The following IL1R1 variants were observed in gnomAD, a reference collection of about 807,000 sequenced individuals.
The protein encoded by IL1R1 is interleukin 1 receptor type 1.
In IL1R1, 22 loss-of-function variants were observed where a neutral mutation model predicts 50.2. The observed-to-expected ratio is 0.44, with a 90% CI of 0.31 to 0.63. IL1R1 has a LOEUF of 0.63. Ranked by LOEUF, IL1R1 falls within the 20% of genes least tolerant of loss-of-function variation. The probability of loss-of-function intolerance (pLI) is 0.07; values close to 1 mark genes in which losing one functional copy is unlikely to be tolerated. For synonymous variants in IL1R1, 251 were observed against 236.7 expected, an observed-to-expected ratio of 1.06 and a Z score of -0.55; for missense variants, 509 against 676.2, an observed-to-expected ratio of 0.75 and a Z score of 2.74.
In IL1R1 at chr2:102,174,606, C is replaced by T; in HGVS notation, c.1011C>T (p.His337=). ...LIYPVTNFQK[H]MIGICVTLTV... ...CTATAGTCACTAATTTCCAGAAGCA[C>T]ATGATTGGTATATGTGTCACGTTGA... The change falls in exon 10 of 12, where the codon CAC becomes CAT. Residue 337 remains histidine (H), a synonymous_variant. Coordinates refer to ENST00000410023, the MANE Select transcript of IL1R1 (RefSeq NM_000877.4). 4 of 1,580,288 alleles carry T rather than the reference C, an allele frequency of 2.5e-6. No homozygotes were observed. The highest frequency in any genetic ancestry group is 3.4e-6 in the Non-Finnish European group (4 of 1,167,330).
intron 1 of IL1R1, among the ~76,000 whole-genome samples, chr2:102,127,168 C>T (rs1429243667): frequency 6.6e-6 from 1 of 152,174 alleles, no homozygotes; most frequent in Non-Finnish European, 1.5e-5. Flanking sequence ...GGTCTCAATC[C>T]TTTGAAGTTC....
chr2:102,077,750 C>A (rs1173087557), intron 1 of IL1R1, among the ~76,000 whole-genome samples: 1 of 152,156 alleles, frequency 6.6e-6, no homozygotes, highest in East Asian at 1.9e-4. Flanking sequence ...ACACTCCACA[C>A]AAGAACAGTG....
intron 1 of IL1R1, among the ~76,000 whole-genome samples, chr2:102,087,225 T>TG (rs1218284825): frequency 5.3e-5 from 8 of 152,150 alleles, no homozygotes; most frequent in African/African-American, 1.9e-4. Flanking sequence ...TAGTGGGAGG[T>TG]CTACCCTTGA....
At chr2:102,156,421 G>T (rs974307222) in intron 2 of IL1R1, among the ~76,000 whole-genome samples, 2 of 152,126 alleles carry the variant, frequency 1.3e-5, no homozygotes, top group African/African-American at 2.4e-5. Flanking sequence ...AAAGTGAAGA[G>T]AATATGAATG....
At chr2:102,071,099 G>T (rs969405345) in intron 1 of IL1R1, among the ~76,000 whole-genome samples, 3 of 151,992 alleles carry the variant, frequency 2.0e-5, no homozygotes, top group Admixed American at 1.3e-4. Flanking sequence ...GTTATATCAT[G>T]ATTTTTAAAA....
chr2:102,071,377 A>G (rs867308788), intron 1 of IL1R1, among the ~76,000 whole-genome samples: 17 of 149,178 alleles, frequency 1.1e-4, no homozygotes, highest in Middle Eastern at 6.8e-3. Flanking sequence ...ATGGACATCT[A>G]TTTGTGGCAC....
chr2:102,123,174 G>A (rs542652180), intron 1 of IL1R1, among the ~76,000 whole-genome samples: 1 of 152,294 alleles, frequency 6.6e-6, no homozygotes, highest in South Asian at 2.1e-4. Context: ...TGATTCAAAG[G>A]ATAATGTAAT....
At chr2:102,083,069 G>A (rs1378915948) in intron 1 of IL1R1, among the ~76,000 whole-genome samples, 1 of 152,144 alleles carries the variant, frequency 6.6e-6, no homozygotes, top group Admixed American at 6.5e-5. Flanking sequence ...TGTAGGGCTG[G>A]CACGTGACTT....
chr2:102,175,206 G>A (rs1559510326), intron 10 of IL1R1, among the ~76,000 whole-genome samples: 1 of 152,186 alleles, frequency 6.6e-6, no homozygotes, highest in East Asian at 1.9e-4. Context: ...AGAAGATGAG[G>A]ACAGGGAGAC....
intron 3 of IL1R1, among the ~76,000 whole-genome samples, chr2:102,162,732 G>A (rs3917269): frequency 0.062 from 9,306 of 151,222 alleles, 943 homozygotes; most frequent in African/African-American, 0.21. Flanking sequence ...TTCCATATAT[G>A]TTACTTCTTT....
At chr2:102,125,655 A>G (rs12620132) in intron 1 of IL1R1, among the ~76,000 whole-genome samples, 23,728 of 152,226 alleles carry the variant, frequency 0.16, 2,021 homozygotes, top group South Asian at 0.2. Flanking sequence ...GTATCAGCTG[A>G]CATGGTTAGG....
chr2:102,089,513 A>G (rs972111922), intron 1 of IL1R1, among the ~76,000 whole-genome samples: 13 of 152,234 alleles, frequency 8.5e-5, no homozygotes, highest in African/African-American at 3.1e-4. Context: ...AAAATGTGAC[A>G]CAGAGATATG....
chr2:102,163,720 C>T (rs199744011), intron 3 of IL1R1, among the ~76,000 whole-genome samples: 1 of 151,830 alleles, frequency 6.6e-6, no homozygotes, highest in East Asian at 1.9e-4. Context: ...TTTTTTCCTC[C>T]TTATCGTTGG....
intron 3 of IL1R1, among the ~76,000 whole-genome samples, chr2:102,160,866 G>A (rs1031072029): frequency 1.3e-5 from 2 of 152,124 alleles, no homozygotes; most frequent in South Asian, 4.1e-4. Context: ...GCGTGGTATG[G>A]CACACCCCTT....
chr2:102,151,772 A>G (rs746936252), intron 1 of IL1R1, among the ~76,000 whole-genome samples: 2 of 152,214 alleles, frequency 1.3e-5, no homozygotes, highest in African/African-American at 2.4e-5. Context: ...CAGCTCTGAG[A>G]TGGTCAGAAA....
chr2:102,082,990 A>G (rs1679281510), intron 1 of IL1R1, among the ~76,000 whole-genome samples: 1 of 152,210 alleles, frequency 6.6e-6, no homozygotes, highest in African/African-American at 2.4e-5. Context: ...AACAGGAACA[A>G]TGTCAAAAAC....
At chr2:102,112,552 A>T (rs1006441809) in intron 1 of IL1R1, among the ~76,000 whole-genome samples, 1 of 152,106 alleles carries the variant, frequency 6.6e-6, no homozygotes, top group Admixed American at 6.5e-5. Context: ...ACTCCTGGTG[A>T]ATTCCAGGTA....
chr2:102,164,645 G>A, intron 3 of IL1R1, 129 bp from the exon 4 acceptor site: 2 of 649,710 alleles, frequency 3.1e-6, no homozygotes, highest in South Asian at 3.9e-5. Context: ...CTTATCACAA[G>A]GCTGTAAAGC....
intron 11 of IL1R1, 53 bp from the exon 12 acceptor site, chr2:102,176,300 A>G (rs3917318): frequency 0.3 from 460,230 of 1,519,602 alleles, 73,719 homozygotes; most frequent in East Asian, 0.54. Flanking sequence ...GGTTCAGGAG[A>G]GAATGATGAT....
Sources: allele counts gnomAD v4.1 joint callset (sites outside exome capture counted in the v4.1 genomes callset), GRCh38; gene constraint gnomAD v4.1.1; transcripts MANE v1.5; gene names NCBI Gene and HGNC (gene_info 2026-07-23, HGNC 2026-07-21).